The following C8orf34 variants were observed in gnomAD, a reference collection of about 807,000 sequenced individuals.
C8orf34 encodes the protein uncharacterized protein C8orf34.
C8orf34 carries 65 observed loss-of-function variants against 68.3 expected under a neutral mutation model. That is an observed-to-expected ratio of 0.95 (90% CI 0.78 to 1.17). The LOEUF (loss-of-function observed/expected upper bound fraction) is 1.17, where lower values mean the gene tolerates loss of function less well. C8orf34 is among the 50% of genes most tolerant of loss of function. The probability of loss-of-function intolerance (pLI) is 0.00; values close to 1 mark genes in which losing one functional copy is unlikely to be tolerated. For missense variants in C8orf34, 664 were observed against 655.4 expected, an observed-to-expected ratio of 1.01 and a Z score of -0.14; for synonymous variants, 244 against 241.2, an observed-to-expected ratio of 1.01 and a Z score of -0.11.
chr8:68,687,438 G>A (rs1339758253), intron 8 of C8orf34, among the ~76,000 whole-genome samples: 2 of 151,996 alleles, frequency 1.3e-5, no homozygotes, highest in Admixed American at 6.6e-5. Flanking sequence ...GAACAGAATA[G>A]AGAACCCAGA....
intron 3 of C8orf34, among the ~76,000 whole-genome samples, chr8:68,462,096 A>G (rs1811860852): frequency 6.6e-6 from 1 of 152,106 alleles, no homozygotes; most frequent in Non-Finnish European, 1.5e-5. Context: ...ATGGAGGAAG[A>G]TCTACCAAGC....
chr8:68,798,933 A>T (rs1824254415), intron 12 of C8orf34, among the ~76,000 whole-genome samples: 1 of 152,252 alleles, frequency 6.6e-6, no homozygotes, highest in Non-Finnish European at 1.5e-5. Context: ...GTTGCTCAAC[A>T]ATATATAAGG....
intron 9 of C8orf34, among the ~76,000 whole-genome samples, chr8:68,712,002 A>G (rs1459713056): frequency 6.6e-6 from 1 of 152,222 alleles, no homozygotes; most frequent in Non-Finnish European, 1.5e-5. Flanking sequence ...CAGAAACCCT[A>G]CAACCCAGAA....
intron 12 of C8orf34, among the ~76,000 whole-genome samples, chr8:68,802,340 T>C (rs1286760683): frequency 6.6e-6 from 1 of 152,110 alleles, no homozygotes; most frequent in Non-Finnish European, 1.5e-5. Flanking sequence ...CCTCAGGTGA[T>C]CCACCTGCCT....
At chr8:68,751,008 T>C (rs1201265118) in intron 10 of C8orf34, among the ~76,000 whole-genome samples, 3 of 152,148 alleles carry the variant, frequency 2.0e-5, no homozygotes, top group Non-Finnish European at 1.5e-5. Context: ...ACACTGTATT[T>C]TGTTGTTCCA....
chr8:68,682,195 T>C (rs1253690209), intron 8 of C8orf34, among the ~76,000 whole-genome samples: 1 of 152,068 alleles, frequency 6.6e-6, no homozygotes, highest in Non-Finnish European at 1.5e-5. Flanking sequence ...CATTTAAAAA[T>C]AGCTAAAATA....
chr8:68,755,045 CA>C (rs1822815588), intron 10 of C8orf34, among the ~76,000 whole-genome samples: 1 of 152,170 alleles, frequency 6.6e-6, no homozygotes. Flanking sequence ...AACTAGGACA[CA>C]TTTTTTTGGT....
upstream of C8orf34, chr8:68,330,641 T>G (rs1805524876): frequency 1.0e-5 from 2 of 196,238 alleles, no homozygotes; most frequent in Admixed American, 1.2e-4. Context: ...AGCACCAGAT[T>G]TATGTGCACT....
chr8:68,492,981 T>C (rs542121504), intron 5 of C8orf34, among the ~76,000 whole-genome samples: 1 of 152,348 alleles, frequency 6.6e-6, no homozygotes, highest in South Asian at 2.1e-4. Flanking sequence ...TTACCTTCTC[T>C]GTAAAATGTA....
Position 68,570,469 on chromosome 8 carries a change from C to G in C8orf34, c.1105+37320C>G, listed in dbSNP as rs78925131. Among the ~76,000 whole-genome samples, 1,246 of 152,238 alleles carry G rather than the reference C, an allele frequency of 8.2e-3. 21 individuals are homozygous for G. The highest frequency in any genetic ancestry group is 0.028 in the African/African-American group (1,175 of 41,550). ...GCTCTCCTGTGGTTAGAAAGGCACT[C>G]CTTATGCTAATAAAACATTGTAAAC... is the stretch of plus-strand genomic sequence containing the variant. On this transcript the variant is annotated intron_variant, in intron 7 of 13. Coordinates refer to ENST00000518698, the MANE Select transcript of C8orf34 (RefSeq NM_052958.4).
At chr8:68,553,884 G>GA (rs5892149) in intron 7 of C8orf34, among the ~76,000 whole-genome samples, 151,768 of 151,874 alleles carry the variant, frequency 1, 75,831 homozygotes, top group Middle Eastern at 1. Context: ...AAAGTTTTAT[G>GA]AAAAAAAATG....
chr8:68,574,974 C>T (rs1586395436), intron 7 of C8orf34, among the ~76,000 whole-genome samples: 1 of 151,804 alleles, frequency 6.6e-6, no homozygotes, highest in Middle Eastern at 3.4e-3. Context: ...GAAATAAATT[C>T]CTTTTTGTAT....
At chr8:68,563,657 T>TA (rs879672905) in intron 7 of C8orf34, among the ~76,000 whole-genome samples, 41 of 143,192 alleles carry the variant, frequency 2.9e-4, no homozygotes, top group Middle Eastern at 3.5e-3. Flanking sequence ...GAGTTAAGAT[T>TA]AAAAAAAAAA....
At chr8:68,579,623 C>A (rs181951072) in intron 7 of C8orf34, among the ~76,000 whole-genome samples, 1 of 152,150 alleles carries the variant, frequency 6.6e-6, no homozygotes, top group African/African-American at 2.4e-5. Context: ...ATTCCAAGTG[C>A]GCTCTGCAGA....
intron 7 of C8orf34, among the ~76,000 whole-genome samples, chr8:68,620,798 C>T (rs1258583072): frequency 6.7e-6 from 1 of 150,158 alleles, no homozygotes; most frequent in Non-Finnish European, 1.5e-5. Flanking sequence ...TTTTTTTTCC[C>T]CCATTACCCA....
chr8:68,529,601 C>A (rs1483080619), intron 6 of C8orf34, among the ~76,000 whole-genome samples: 1 of 151,998 alleles, frequency 6.6e-6, no homozygotes, highest in East Asian at 1.9e-4. Context: ...GGCCACAGAC[C>A]CTCTGGAATG....
At chr8:68,451,086 G>A (rs913735997) in intron 3 of C8orf34, among the ~76,000 whole-genome samples, 1 of 152,008 alleles carries the variant, frequency 6.6e-6, no homozygotes, top group African/African-American at 2.4e-5. Context: ...CATCTTACAC[G>A]TTTGTGTTAT....
intron 10 of C8orf34, among the ~76,000 whole-genome samples, chr8:68,775,591 G>A (rs529508915): frequency 6.6e-6 from 1 of 152,300 alleles, no homozygotes; most frequent in East Asian, 1.9e-4. Context: ...AAGACTTAAT[G>A]TAAAGTCTGG....
chr8:68,683,372 A>G (rs570057298), intron 8 of C8orf34, among the ~76,000 whole-genome samples: 39 of 151,648 alleles, frequency 2.6e-4, no homozygotes, highest in Non-Finnish European at 5.4e-4. Flanking sequence ...GAGGAACTTA[A>G]AATTGATTCC....
Sources: gnomAD v4.1 joint callset for allele counts (sites outside exome capture counted in the v4.1 genomes callset) on GRCh38, gnomAD v4.1.1 for gene constraint, MANE v1.5 for transcripts, NCBI Gene and HGNC (gene_info 2026-07-23, HGNC 2026-07-21) for gene names.